SMS: variants seen among roughly 807,000 people sequenced by gnomAD.
The protein encoded by SMS is spermine synthase.
In SMS, 3 loss-of-function variants were observed where a neutral mutation model predicts 33.0. The ratio of observed to expected loss-of-function variants is 0.09; its 90% CI spans 0.04 to 0.23. The LOEUF (loss-of-function observed/expected upper bound fraction) is 0.23, where lower values mean the gene tolerates loss of function less well. SMS is among the 10% of genes least tolerant of loss of function. The pLI, the probability that SMS is intolerant of heterozygous loss-of-function variation, is 1.00. For synonymous variants in SMS, 103 were observed against 112.2 expected, an observed-to-expected ratio of 0.92 and a Z score of 0.52; for missense variants, 117 against 288.6, an observed-to-expected ratio of 0.41 and a Z score of 4.31.
chrX:21,962,315 G>T (rs1312870631), intron 1 of SMS, among the ~76,000 whole-genome samples: 1 of 112,271 alleles, frequency 8.9e-6, no homozygotes, highest in Admixed American at 9.4e-5. Context: ...TACTAGACAG[G>T]CATAAAGGTT....
intron 7 of SMS, among the ~76,000 whole-genome samples, chrX:21,979,209 T>C (rs1249827480): frequency 9.0e-6 from 1 of 110,700 alleles, no homozygotes; most frequent in Non-Finnish European, 1.9e-5. Context: ...TATTATACTT[T>C]CAGTTCTACG....
At chrX:21,972,926 A>T in intron 4 of SMS, among the ~76,000 whole-genome samples, 1 of 108,107 alleles carries the variant, frequency 9.3e-6, no homozygotes, top group Admixed American at 1.0e-4. Flanking sequence ...CAAAAAAAAA[A>T]AAAAAAAAAA....
intron 8 of SMS, among the ~76,000 whole-genome samples, 158 bp from the exon 9 acceptor site, chrX:21,984,986 C>T (rs1322491589): frequency 8.9e-6 from 1 of 112,200 alleles, no homozygotes; most frequent in Non-Finnish European, 1.9e-5. Flanking sequence ...AAATCAATTT[C>T]ATTATCGTTC....
chrX:21,959,845 G>T (rs759268300), intron 1 of SMS: 1 of 618,372 alleles, frequency 1.6e-6, no homozygotes, highest in Non-Finnish European at 1.9e-6. Flanking sequence ...TTCCCCTTGC[G>T]GGGGAGTTGC....
intron 2 of SMS, among the ~76,000 whole-genome samples, 180 bp downstream of exon 2, chrX:21,967,496 T>C (rs1923821483): frequency 9.0e-6 from 1 of 111,463 alleles, no homozygotes; most frequent in Non-Finnish European, 1.9e-5. Flanking sequence ...GTAGCGTTAC[T>C]GACCACAGGT....
At chrX:21,944,696 G>T (rs1325610431) in intron 1 of SMS, among the ~76,000 whole-genome samples, 1 of 109,018 alleles carries the variant, frequency 9.2e-6, no homozygotes, top group Non-Finnish European at 1.9e-5. Context: ...ACAAAACAAG[G>T]GCCAGGCGTA....
chrX:21,981,330 A>AG (rs1355529999), intron 7 of SMS, among the ~76,000 whole-genome samples: 1 of 110,714 alleles, frequency 9.0e-6, no homozygotes, highest in Non-Finnish European at 1.9e-5. Context: ...AAAAAAAAAA[A>AG]GGAACAATGT....
intron 1 of SMS, among the ~76,000 whole-genome samples, chrX:21,946,259 GCCC>G (rs1253521368): frequency 8.9e-6 from 1 of 112,466 alleles, no homozygotes; most frequent in Non-Finnish European, 1.9e-5. Flanking sequence ...GACTGAGACA[GCCC>G]GTTCCTTTTA....
chrX:21,994,029 T>G (rs1231212956), intron 10 of SMS, among the ~76,000 whole-genome samples: 2 of 106,436 alleles, frequency 1.9e-5, no homozygotes, highest in Middle Eastern at 4.3e-3. Context: ...ACTAATTCCC[T>G]AAAACTTGTG....
chrX:21,944,816 A>C (rs1220015223), intron 1 of SMS, among the ~76,000 whole-genome samples: 1 of 110,881 alleles, frequency 9.0e-6, no homozygotes, highest in African/African-American at 3.3e-5. Flanking sequence ...TATCTCTACT[A>C]AAAATACAAA....
intron 1 of SMS, among the ~76,000 whole-genome samples, chrX:21,961,006 A>G (rs1485549942): frequency 2.8e-5 from 3 of 106,639 alleles, no homozygotes; most frequent in Non-Finnish European, 3.8e-5. Context: ...TCAAAGCTGA[A>G]GGAGGAGCAG....
intron 1 of SMS, among the ~76,000 whole-genome samples, chrX:21,944,539 A>AAAAAAAAAAAAAAAAAAAAAAAAAAAAAG (rs776946474): frequency 2.0e-4 from 16 of 81,400 alleles, no homozygotes; most frequent in Admixed American, 5.3e-4. Context: ...AAAAAAAAAA[A>AAAAAAAAAAAAAAAAAAAAAAAAAAAAAG]AAAAAAGAAA....
At chrX:21,946,644 G>A (rs979164041) in intron 1 of SMS, among the ~76,000 whole-genome samples, 2 of 111,242 alleles carry the variant, frequency 1.8e-5, no homozygotes, top group African/African-American at 6.5e-5. Context: ...CCCTCCGTGG[G>A]TGACATCTGG....
intron 1 of SMS, among the ~76,000 whole-genome samples, chrX:21,949,472 A>G (rs1922461320): frequency 8.9e-6 from 1 of 112,291 alleles, no homozygotes; most frequent in African/African-American, 3.2e-5. Flanking sequence ...GAGGCAGAAA[A>G]TAATGGGTTG....
chrX:21,986,074 TGTG>T (rs1925304546), intron 9 of SMS, among the ~76,000 whole-genome samples: 1 of 109,488 alleles, frequency 9.1e-6, no homozygotes, highest in African/African-American at 3.3e-5. Context: ...AGAGGCCAGG[TGTG>T]GTGGCTTACG....
At chrX:21,949,977 C>A (rs769816189) in intron 1 of SMS, among the ~76,000 whole-genome samples, 2 of 110,990 alleles carry the variant, frequency 1.8e-5, no homozygotes, top group Non-Finnish European at 3.8e-5. Flanking sequence ...AAAACACTTT[C>A]GGTCCCAAGC....
chrX:21,984,896 G>T (rs1334638607), intron 8 of SMS, among the ~76,000 whole-genome samples: 1 of 111,270 alleles, frequency 9.0e-6, no homozygotes. Flanking sequence ...TTTCTTTCAC[G>T]TTTCAGCCAC....
intron 2 of SMS, among the ~76,000 whole-genome samples, chrX:21,969,415 T>C (rs1347037440): frequency 2.7e-5 from 3 of 112,076 alleles, no homozygotes; most frequent in Non-Finnish European, 5.6e-5. Context: ...GGATGGTCTC[T>C]TGGAAGCAGA....
At chrX:21,949,579 A>G (rs1922468822) in intron 1 of SMS, among the ~76,000 whole-genome samples, 1 of 112,358 alleles carries the variant, frequency 8.9e-6, no homozygotes, top group South Asian at 3.7e-4. Context: ...TAAGATATCA[A>G]TTACTTGTGT....
Sources: gnomAD v4.1 joint callset for allele counts (sites outside exome capture counted in the v4.1 genomes callset) on GRCh38, gnomAD v4.1.1 for gene constraint, MANE v1.5 for transcripts, NCBI Gene and HGNC (gene_info 2026-07-23, HGNC 2026-07-21) for gene names.